Variants in RORB observed in about 807,000 individuals in gnomAD.
The protein encoded by RORB is nuclear receptor ROR-beta.
In RORB, 6 loss-of-function variants were observed where a neutral mutation model predicts 59.1. That is an observed-to-expected ratio of 0.10 (90% confidence interval 0.06 to 0.20). RORB has a LOEUF of 0.20. Among genes scored for constraint, RORB ranks in the 10% least tolerant of loss-of-function variants. The probability of loss-of-function intolerance (pLI) is 1.00; values close to 1 mark genes in which losing one functional copy is unlikely to be tolerated. For missense variants in RORB, 320 were observed against 560.5 expected (o/e 0.57, Z 4.33); for synonymous variants, 215 against 204.5 (o/e 1.05, Z -0.44).
chr9:74,617,376 CT>C (rs1159421190), intron 1 of RORB, among the ~76,000 whole-genome samples: 1 of 152,138 alleles, frequency 6.6e-6, no homozygotes, highest in Non-Finnish European at 1.5e-5. Flanking sequence ...TTTCTCACTA[CT>C]TTTTGTGGCA....
intron 1 of RORB, among the ~76,000 whole-genome samples, chr9:74,516,004 GACTCT>G (rs1242665084): frequency 6.6e-6 from 1 of 152,042 alleles, no homozygotes; most frequent in East Asian, 1.9e-4. Context: ...AACTAACATT[GACTCT>G]ACTCTATGTG....
At chr9:74,617,401 ATGT>A (rs1823330957) in intron 1 of RORB, among the ~76,000 whole-genome samples, 1 of 152,196 alleles carries the variant, frequency 6.6e-6, no homozygotes, top group African/African-American at 2.4e-5. Flanking sequence ...ATACAGAGTG[ATGT>A]TGTCTCTGGG....
intron 1 of RORB, among the ~76,000 whole-genome samples, chr9:74,591,074 C>T (rs1487728721): frequency 5.9e-5 from 9 of 152,156 alleles, no homozygotes; most frequent in African/African-American, 1.9e-4. Flanking sequence ...GGATTACAGG[C>T]GTGAGCCACC....
intron 1 of RORB, among the ~76,000 whole-genome samples, chr9:74,558,198 C>T (rs1410202909): frequency 6.6e-6 from 1 of 152,036 alleles, no homozygotes; most frequent in Non-Finnish European, 1.5e-5. Context: ...TTCTCACAGC[C>T]CTCAGAGCTA....
chr9:74,615,026 A>G (rs946865449), intron 1 of RORB, among the ~76,000 whole-genome samples: 1 of 152,138 alleles, frequency 6.6e-6, no homozygotes, highest in Non-Finnish European at 1.5e-5. Flanking sequence ...TTAGGTGTGC[A>G]TATTTTCTTA....
intron 9 of RORB, among the ~76,000 whole-genome samples, chr9:74,675,175 G>T (rs556286556): frequency 2.0e-5 from 3 of 152,034 alleles, no homozygotes; most frequent in Non-Finnish European, 4.4e-5. Flanking sequence ...AGTGATGGGG[G>T]CAATGGCATG....
intron 9 of RORB, among the ~76,000 whole-genome samples, chr9:74,672,731 T>G (rs1824369347): frequency 6.6e-6 from 1 of 152,230 alleles, no homozygotes; most frequent in Non-Finnish European, 1.5e-5. Context: ...CTGAAATTTT[T>G]GGGCAGCCAG....
At chr9:74,498,097 G>T in intron 1 of RORB, 114 bp downstream of exon 1, 1 of 1,236,394 alleles carries the variant, frequency 8.1e-7, no homozygotes, top group East Asian at 2.5e-5. Context: ...CCCAGGCGCA[G>T]TTCCCCGAAT....
At chr9:74,626,155 G>A (rs935727469) in intron 1 of RORB, among the ~76,000 whole-genome samples, 12 of 152,042 alleles carry the variant, frequency 7.9e-5, no homozygotes. Flanking sequence ...GGGTTTTCAG[G>A]GGGAGCTTGG....
chr9:74,518,694 G>T (rs140260420), intron 1 of RORB, among the ~76,000 whole-genome samples: 299 of 152,034 alleles, frequency 2.0e-3, no homozygotes, highest in Non-Finnish European at 3.8e-3. Context: ...ATTGTTACAA[G>T]GATTGGTTTT....
At chr9:74,635,975 GAA>G (rs1823695869) in intron 3 of RORB, among the ~76,000 whole-genome samples, 1 of 116,572 alleles carries the variant, frequency 8.6e-6, no homozygotes, top group Non-Finnish European at 1.8e-5. Flanking sequence ...AAAAAAAACA[GAA>G]TCTGACCTGA....
intron 1 of RORB, among the ~76,000 whole-genome samples, chr9:74,612,167 G>A (rs1286236397): frequency 1.3e-5 from 2 of 152,150 alleles, no homozygotes; most frequent in African/African-American, 4.8e-5. Context: ...AAACGTGGTG[G>A]GAGTTGAGCT....
rs1174540977 is a variant in RORB at position 74,665,587 on chromosome 9, A to G, written c.992A>G (p.Lys331Arg). The change falls in exon 7 of 10, where the codon AAA (lysine) becomes AGA (arginine). Residue 331 changes from lysine (K) to arginine (R), a missense_variant. Lys to Arg is a conservative substitution (Grantham distance 26, BLOSUM62 2). Transcript: ENST00000376896. Reference sequence around the variant, plus strand: ...AAATATGGAGGAATGCAAATGTTCAAAGCCTTAGGTAAGTTTCCCTTTGAT... The same window carrying G: ...AAATATGGAGGAATGCAAATGTTCAGAGCCTTAGGTAAGTTTCCCTTTGAT... The part of the protein sequence containing the change: ...EGKYGGMQMF[K>R]ALGSDDLVNE... The G allele has an allele frequency of 1.2e-6, 2 of 1,607,182 alleles. No individual in the cohort carries two copies. Among genetic ancestry groups the G allele is most frequent in the East Asian group, 2.2e-5 (1 of 44,848 alleles).
chr9:74,665,041 G>A (rs1263470035), intron 6 of RORB, among the ~76,000 whole-genome samples: 1 of 152,194 alleles, frequency 6.6e-6, no homozygotes, highest in East Asian at 1.9e-4. Flanking sequence ...GCCTATCACT[G>A]CAGACAAAAT....
intron 1 of RORB, among the ~76,000 whole-genome samples, chr9:74,583,405 A>G (rs1237807359): frequency 6.6e-6 from 1 of 151,992 alleles, no homozygotes; most frequent in Non-Finnish European, 1.5e-5. Flanking sequence ...ACTGCTTTAC[A>G]TCTCTTTTAA....
At chr9:74,552,788 C>T (rs541478478) in intron 1 of RORB, among the ~76,000 whole-genome samples, 1 of 151,858 alleles carries the variant, frequency 6.6e-6, no homozygotes, top group South Asian at 2.1e-4. Flanking sequence ...CACAGAGAGA[C>T]AGGCAATAAA....
intron 1 of RORB, among the ~76,000 whole-genome samples, chr9:74,603,782 C>T (rs1823105365): frequency 6.6e-6 from 1 of 152,194 alleles, no homozygotes; most frequent in South Asian, 2.1e-4. Flanking sequence ...TTCAGGCTGA[C>T]ATAACACATT....
At chr9:74,583,107 C>T (rs1822749326) in intron 1 of RORB, among the ~76,000 whole-genome samples, 1 of 152,082 alleles carries the variant, frequency 6.6e-6, no homozygotes, top group African/African-American at 2.4e-5. Flanking sequence ...GCTCCCTCTA[C>T]CCACCCTCTT....
chr9:74,590,868 C>T (rs1822877916), intron 1 of RORB, among the ~76,000 whole-genome samples: 1 of 152,190 alleles, frequency 6.6e-6, no homozygotes, highest in African/African-American at 2.4e-5. Context: ...GCAATCTTGG[C>T]TCACTGCAAC....
Sources: gnomAD v4.1 joint callset for allele counts (sites outside exome capture counted in the v4.1 genomes callset) on GRCh38, gnomAD v4.1.1 for gene constraint, MANE v1.5 for transcripts, NCBI Gene and HGNC (gene_info 2026-07-23, HGNC 2026-07-21) for gene names.